The following TNS2 variants were observed in gnomAD, a reference collection of about 807,000 sequenced individuals.
TNS2 encodes tensin 2.
TNS2 carries 77 observed loss-of-function variants against 155.7 expected under a neutral mutation model. That is an observed-to-expected ratio of 0.49 (90% CI 0.41 to 0.60). The LOEUF is 0.60. TNS2 is among the 20% of genes least tolerant of loss of function. The pLI is 0.00. For synonymous variants in TNS2, 726 were observed against 763.9 expected (o/e 0.95, Z 0.82); for missense variants, 1,703 against 1,868.8 (o/e 0.91, Z 1.64).
rs201486450 is a variant in TNS2 at position 53,058,806 on chromosome 12, C to G, written c.1384C>G (p.His462Asp). 657 of 1,613,774 alleles carry G rather than the reference C, an allele frequency of 4.1e-4. No individual in the cohort carries two copies. Among genetic ancestry groups the G allele is most frequent in the Non-Finnish European group, 5.4e-4 (637 of 1,179,998 alleles). ...RWDSYENFNQ[H>D]HEDSVDGSLT... Reference sequence around the variant, plus strand: ...GGACTCCTATGAGAACTTCAACCAGCACCACGAGGACAGTGTGGATGGTGC... The same window carrying G: ...GGACTCCTATGAGAACTTCAACCAGGACCACGAGGACAGTGTGGATGGTGC... Residue 462 changes from histidine to aspartate, a missense_variant, in exon 17 of 29, where the codon CAC becomes GAC. By Grantham distance (81) the His-to-Asp change is moderately conservative (BLOSUM62 -1). Coordinates refer to ENST00000314250, the MANE Select transcript of TNS2 (RefSeq NM_170754.4).
intron 13 of TNS2, 63 bp from the exon 14 acceptor site, chr12:53,057,963 TG>T: frequency 6.2e-7 from 1 of 1,611,008 alleles, no homozygotes; most frequent in Non-Finnish European, 8.5e-7. Flanking sequence ...TCCCCCTGAC[TG>T]CATAGCTGCC....
rs774185964 is a variant in TNS2, at chr12:53,055,684, C to T, written c.690C>T (p.Tyr230=). ...ACCCACAGCACGTGGTCGTACTATACTGCAAGGTGGGCCAGGACCTCGGGT... is the reference window on the plus strand; with the variant it reads ...ACCCACAGCACGTGGTCGTACTATATTGCAAGGTGGGCCAGGACCTCGGGT... ...SADPQHVVVL[Y]CKGNKGKLGV... The change falls in exon 9 of 29, where the codon TAC becomes TAT. Residue 230 remains tyrosine, a synonymous_variant. Coordinates refer to ENST00000314250, the MANE Select transcript of TNS2 (RefSeq NM_170754.4). 2 of 1,614,214 alleles carry T rather than the reference C, an allele frequency of 1.2e-6. No homozygotes were observed. Among genetic ancestry groups the T allele is most frequent in the South Asian group, 2.2e-5 (2 of 91,084 alleles).
intron 10 of TNS2, among the ~76,000 whole-genome samples, chr12:53,056,550 C>T (rs1465086440): frequency 2.0e-5 from 3 of 152,156 alleles, no homozygotes; most frequent in African/African-American, 7.2e-5. Context: ...GGTTTGCAGA[C>T]ACATCACTGT....
At chr12:53,058,958 T>G in intron 17 of TNS2, 89 bp from the exon 18 acceptor site, 11 of 1,544,842 alleles carry the variant, frequency 7.1e-6, no homozygotes, top group Non-Finnish European at 9.6e-6. Context: ...GCCCGACAGC[T>G]GTCTCCAGTG....
intron 24 of TNS2, 38 bp downstream of exon 24, chr12:53,062,491 A>C (rs1592259794): frequency 6.2e-7 from 1 of 1,610,042 alleles, no homozygotes; most frequent in African/African-American, 1.3e-5. Flanking sequence ...ACCTCTCCCT[A>C]CCCCCTGCAG....
upstream of TNS2, among the ~76,000 whole-genome samples, chr12:53,047,510 G>C (rs909333216): frequency 7.1e-6 from 1 of 140,440 alleles, no homozygotes; most frequent in Non-Finnish European, 1.6e-5. Context: ...GCCCAGGGCT[G>C]GGGCCGGGGG....
chr12:53,063,663 A>G lies in TNS2; in HGVS notation c.4091+71A>G, dbSNP rs1426283136. On this transcript the variant is annotated intron_variant, in intron 28 of 28. Transcript: ENST00000314250. This position sits in a 1 kb window ranked among gnomAD's most constrained non-coding sequence, Gnocchi z 5.6. ...GCGCTGCTGTCCTCTCAATGCTGGC[A>G]TTTGATTTGTCTCACCAAGGCCAGC... 8 of 1,614,014 alleles carry G rather than the reference A, an allele frequency of 5.0e-6. No homozygotes were observed.
intron 4 of TNS2, 66 bp downstream of exon 4, chr12:53,053,515 G>T: frequency 6.3e-7 from 1 of 1,599,918 alleles, no homozygotes; most frequent in Non-Finnish European, 8.6e-7. Context: ...GAGGTCTGGT[G>T]GCTCCAGAGA....
At chr12:53,055,737 G>A (rs891744297) in intron 9 of TNS2, 44 bp from the exon 10 acceptor site, 8 of 1,614,108 alleles carry the variant, frequency 5.0e-6, no homozygotes, top group Admixed American at 3.3e-5. Flanking sequence ...TTCCAGGTCA[G>A]CCTGGAGCTC....
chr12:53,052,621 T>A, intron 3 of TNS2, 129 bp downstream of exon 3: 8 of 1,264,950 alleles, frequency 6.3e-6, no homozygotes, highest in African/African-American at 1.5e-5. Flanking sequence ...GAACCCCTCC[T>A]GGGTGGGAGG....
In TNS2 at chr12:53,060,213, C is replaced by G; in HGVS notation, c.2572C>G (p.Pro858Ala). 4 of 1,562,546 alleles carry G rather than the reference C, an allele frequency of 2.6e-6. No individual in the cohort carries two copies. Among genetic ancestry groups the G allele is most frequent in the Non-Finnish European group, 2.6e-6 (3 of 1,152,922 alleles). The change falls in exon 18 of 29, where the codon CCA (proline) becomes GCA (alanine). Residue 858 changes from proline (P) to alanine (A), a missense_variant. Physicochemically the swap from Pro to Ala is conservative, Grantham distance 27. Coordinates refer to ENST00000314250, the MANE Select transcript of TNS2 (RefSeq NM_170754.4). The surrounding 1 kb of genome is among the most constrained non-coding windows in gnomAD (Gnocchi z 6.1). The stretch of plus-strand genomic sequence containing the variant: ...TACGGAGGAGGGAGGGGACAGGTAC[C>G]CATTGCCTGGGCACCTGGCCTCAGC... Reference protein sequence around the residue: ...IPTEEGGDRYPLPGHLASAGP... With the variant: ...IPTEEGGDRYALPGHLASAGP...
chr12:53,058,922 G>C (rs1944266279), intron 17 of TNS2, 95 bp downstream of exon 17: 1 of 1,566,890 alleles, frequency 6.4e-7, no homozygotes, highest in Non-Finnish European at 8.7e-7. Context: ...TCCCCAGGCA[G>C]AGCCCACTCC....
rs146960728 is a variant in TNS2, at chr12:53,054,365, C to A, written c.446C>A (p.Pro149His). The A allele has an allele frequency of 2.5e-6, 4 of 1,612,450 alleles. No homozygotes were observed. In the African/African-American group the frequency reaches 5.3e-5, roughly 22 times the overall value. Residue 149 changes from proline (P) to histidine (H), a missense_variant, in exon 7 of 29, where the codon CCC becomes CAC. Coordinates refer to ENST00000314250, the MANE Select transcript of TNS2 (RefSeq NM_170754.4). ...TTGGCCGCCGCCTTCCCCGCGCGGC[C>A]CGATGAACAGCGGCACCGGGGCCAC... is the stretch of plus-strand genomic sequence containing the variant. ...RILAAAFPAR[P>H]DEQRHRGHLR... is the part of the protein sequence containing the mutation.
At chr12:53,053,600 A>T in intron 4 of TNS2, 151 bp downstream of exon 4, 2 of 1,353,212 alleles carry the variant, frequency 1.5e-6, no homozygotes, top group Non-Finnish European at 2.0e-6. Context: ...AAACTGTCTG[A>T]GTCCTCTGCT....
In TNS2 at chr12:53,057,804, C is replaced by T. The variant is rs1944213995; in HGVS notation, c.990C>T (p.Ser330=). 2 of 1,614,010 alleles carry T rather than the reference C, an allele frequency of 1.2e-6. No homozygotes were observed. Among genetic ancestry groups the T allele is most frequent in the Non-Finnish European group, 1.7e-6 (2 of 1,180,026 alleles). ...GFQPFLKIYQ[S]MQLVYTSGVY... is the part of the protein sequence containing the mutation. ...AGCCCTTCCTTAAAATCTACCAGTC[C>T]ATGCAGCTTGTCTACACATCTGGAG... is the stretch of plus-strand genomic sequence containing the variant. The change falls in exon 13 of 29, where the codon TCC becomes TCT. Residue 330 remains serine, a synonymous_variant. Transcript: ENST00000314250.
rs532106411 is a variant in TNS2, at chr12:53,058,772, C to T, written c.1350C>T (p.Ala450=). The T allele has an allele frequency of 3.7e-6, 6 of 1,613,838 alleles. No individual in the cohort carries two copies. Among genetic ancestry groups the T allele is most frequent in the African/African-American group, 1.3e-5 (1 of 74,888 alleles). Residue 450 remains alanine, a synonymous_variant, in exon 17 of 29, where the codon GCC becomes GCT. Transcript: ENST00000314250. ...TCGACTACAACACCACTGAGCCAGCCGTGCGCTGGGACTCCTATGAGAACT... is the reference window on the plus strand; with the variant it reads ...TCGACTACAACACCACTGAGCCAGCTGTGCGCTGGGACTCCTATGAGAACT... The part of the protein sequence containing the change: ...VSVDYNTTEP[A]VRWDSYENFN...
In TNS2 at chr12:53,061,442, T is replaced by C; in HGVS notation, c.3421T>C (p.Tyr1141His). 1 of 1,613,908 alleles carries C rather than the reference T, an allele frequency of 6.2e-7. No individual in the cohort carries two copies. Among genetic ancestry groups the C allele is most frequent in the Non-Finnish European group, 8.5e-7 (1 of 1,179,974 alleles). Residue 1141 changes from tyrosine to histidine, a missense_variant, in exon 21 of 29, where the codon TAC becomes CAC. By Grantham distance (83) the Tyr-to-His change is moderately conservative (BLOSUM62 2). Coordinates refer to ENST00000314250, the MANE Select transcript of TNS2 (RefSeq NM_170754.4). ...TGTCCAGGATACATCCAAGTTCTGG[T>C]ACAAGCCACACCTGTCCCGTGACCA... is the stretch of plus-strand genomic sequence containing the variant. ...KFVQDTSKFW[Y>H]KPHLSRDQAI...
chr12:53,049,182 C>G (rs779238313), upstream of TNS2: 1 of 1,592,962 alleles, frequency 6.3e-7, no homozygotes, highest in Non-Finnish European at 8.5e-7. Context: ...GGGGGGACCT[C>G]CTGTCCAGTC....
At position 53,057,550 on chromosome 12, in the gene TNS2, G is replaced by T; in HGVS notation, c.846-17G>T. ...AGAGGAAAAGGCTTATGTTCTCCTT[G>T]ACACGCCCTCCACCAGATATATCAG... On this transcript the variant is annotated splice_polypyrimidine_tract_variant and intron_variant, in intron 11 of 28. Coordinates refer to ENST00000314250, the MANE Select transcript of TNS2 (RefSeq NM_170754.4). 1 of 1,593,012 alleles carries T rather than the reference G, an allele frequency of 6.3e-7. No homozygotes were observed. Among genetic ancestry groups the T allele is most frequent in the South Asian group, 1.1e-5 (1 of 89,348 alleles).
Sources: gnomAD v4.1 joint callset for allele counts (sites outside exome capture counted in the v4.1 genomes callset) on GRCh38, gnomAD v4.1.1 for gene constraint, Gnocchi (gnomAD v3.1) non-coding constraint, MANE v1.5 for transcripts, NCBI Gene and HGNC (gene_info 2026-07-23, HGNC 2026-07-21) for gene names.